Variants in CREBZF observed in about 807,000 individuals in gnomAD.
The protein encoded by CREBZF is HCF-binding transcription factor Zhangfei.
A neutral mutation model predicts 21.1 loss-of-function variants in CREBZF; 8 were observed. The ratio of observed to expected loss-of-function variants is 0.38; its 90% CI spans 0.22 to 0.68. CREBZF has a LOEUF of 0.68. Among genes scored for constraint, CREBZF ranks in the 30% least tolerant of loss-of-function variants. The pLI is 0.51. For synonymous variants in CREBZF, 270 were observed against 223.3 expected (o/e 1.21, Z -1.86); for missense variants, 518 against 484.3 (o/e 1.07, Z -0.65).
rs1381504695 is a variant in CREBZF at position 85,663,251 on chromosome 11, G to A, written c.*560C>T. Reference sequence around the variant, plus strand: ...ACAGTTGGAACCGATGTCATCCAAGGCCATGTCCACACTGGGGACAGAAGA... The same window carrying A: ...ACAGTTGGAACCGATGTCATCCAAGACCATGTCCACACTGGGGACAGAAGA... On this transcript the variant is annotated 3_prime_UTR_variant, in exon 1 of 1. Coordinates refer to ENST00000527447, the MANE Select transcript of CREBZF (RefSeq NM_001039618.4). 1.0e-5 allele frequency: 5 copies of A among 493,052 alleles called. No homozygotes were observed. Among genetic ancestry groups the A allele is most frequent in the African/African-American group, 5.8e-5 (3 of 51,606 alleles). The allele number at this position is 493,052 out of a possible 1,614,324, so 30.5% of individuals were successfully genotyped here.
chr11:85,678,878 C>T (rs2082958048), intron 1 of CREBZF, among the ~76,000 whole-genome samples: 1 of 152,176 alleles, frequency 6.6e-6, no homozygotes, highest in African/African-American at 2.4e-5. Context: ...ACTAATACTT[C>T]AGCTGGTTTG....
upstream of CREBZF, among the ~76,000 whole-genome samples, chr11:85,667,078 G>C (rs2082876217): frequency 6.6e-6 from 1 of 152,106 alleles, no homozygotes; most frequent in Non-Finnish European, 1.5e-5. Flanking sequence ...CACATGATTT[G>C]GCTGGGCGTG....
rs2082770419 is a variant in CREBZF at position 85,664,042 on chromosome 11, A to G, written c.834T>C (p.Ala278=). 2 of 1,613,366 alleles carry G rather than the reference A, an allele frequency of 1.2e-6. No homozygotes were observed. Among genetic ancestry groups the G allele is most frequent in the Non-Finnish European group, 8.5e-7 (1 of 1,180,002 alleles). Residue 278 remains alanine, a synonymous_variant, in exon 1 of 1, where the codon GCT becomes GCC. Coordinates refer to ENST00000527447, the MANE Select transcript of CREBZF (RefSeq NM_001039618.4). This position sits in a 1 kb window ranked among gnomAD's most constrained non-coding sequence, Gnocchi z 5.5. ...CGCCGCTCAGCCGGCTCAGCAAGCG[A>G]GCCAGTCCAGTCTCGTTGGCTAAGA... ...RAVLANETGL[A]RLLSRLSGVG... is the part of the protein sequence containing the mutation.
At position 85,660,289 on chromosome 11, in the gene CREBZF, T is replaced by G. The variant is rs1278163829; in HGVS notation, c.*3522A>C. On this transcript the variant is annotated 3_prime_UTR_variant, in exon 1 of 1. Transcript: ENST00000527447. ...CTGTAATTCTCCAAAGGTTACAATT[T>G]TGTAAAGATATGCAATAACTGAGTA... The G allele has an allele frequency of 1.7e-5, 3 of 179,724 alleles. No homozygotes were observed. The highest frequency in any genetic ancestry group is 3.6e-5 in the Non-Finnish European group (3 of 84,424). 11.1% of individuals were successfully genotyped at this position (179,724 alleles called of 1,614,324 possible).
chr11:85,673,052 G>A (rs1464198093), intron 1 of CREBZF, among the ~76,000 whole-genome samples: 1 of 152,204 alleles, frequency 6.6e-6, no homozygotes, highest in African/African-American at 2.4e-5. Context: ...TGGCTGCAGA[G>A]GAGTCTGGCA....
chr11:85,668,474 G>T (rs531470598), upstream of CREBZF, among the ~76,000 whole-genome samples: 2 of 152,068 alleles, frequency 1.3e-5, no homozygotes, highest in East Asian at 3.9e-4. Flanking sequence ...AAACTTTCTT[G>T]TTTTAATTTT....
At position 85,659,103 on chromosome 11, in the gene CREBZF, A is replaced by T. The variant is rs1471674810; in HGVS notation, c.*4708T>A. Among the ~76,000 whole-genome samples the T allele has an allele frequency of 6.6e-6, 1 of 152,006 alleles. No individual in the cohort carries two copies. The highest frequency in any genetic ancestry group is 1.5e-5 in the Non-Finnish European group (1 of 67,892). On this transcript the variant is annotated 3_prime_UTR_variant, in exon 1 of 1. Coordinates refer to ENST00000527447, the MANE Select transcript of CREBZF (RefSeq NM_001039618.4). ...TCCGCAGCTTAGGTGGTAAGTAAAT[A>T]AAAAAACAGCTCAGAAAAACAGCAA...
chr11:85,677,764 A>T (rs2082951166), intron 1 of CREBZF, among the ~76,000 whole-genome samples: 1 of 152,218 alleles, frequency 6.6e-6, no homozygotes, highest in Non-Finnish European at 1.5e-5. Flanking sequence ...AATGTTTTCA[A>T]GTGGTGACAG....
At position 85,658,648 on chromosome 11, in the gene CREBZF, TAA is replaced by T. The variant is rs113731424; in HGVS notation, c.*5161_*5162del. On this transcript the variant is annotated 3_prime_UTR_variant, in exon 1 of 1. Transcript: ENST00000527447. ...ATTTACTTTGTGTAGTTATTTGGCT[TAA>T]AAAAAAAAAAAGAGGGCTCACATTC... Among the ~76,000 whole-genome samples the T allele has an allele frequency of 1.7e-4, 25 of 143,514 alleles. No individual in the cohort carries two copies. Among genetic ancestry groups the T allele is most frequent in the South Asian group, 1.7e-3 (8 of 4,614 alleles). The allele number at this position is 143,514 out of a possible 152,430, so 94.2% of individuals were successfully genotyped here. A position where few individuals can be genotyped will look rare whatever the true frequency, so the allele number is the denominator to read the frequency against.
chr11:85,673,543 A>G (rs746989868), intron 1 of CREBZF, among the ~76,000 whole-genome samples: 46 of 152,208 alleles, frequency 3.0e-4, no homozygotes, highest in Non-Finnish European at 6.2e-4. Context: ...AGTGAGTCAC[A>G]ATCTTTTTGC....
chr11:85,670,856 C>T (rs756540146), intron 1 of CREBZF, among the ~76,000 whole-genome samples: 2 of 152,152 alleles, frequency 1.3e-5, no homozygotes, highest in Non-Finnish European at 2.9e-5. Context: ...CCTTACTTGG[C>T]AGTAGGATTT....
In CREBZF at chr11:85,682,842, C is replaced by G. The variant is rs1033214642; in HGVS notation, n.22G>C. The G allele has an allele frequency of 1.3e-5, 9 of 702,156 alleles. 1 individual carries two copies. Among genetic ancestry groups the G allele is most frequent in the Admixed American group, 6.0e-5 (3 of 49,980 alleles). 43.5% of individuals were successfully genotyped at this position (702,156 alleles called of 1,614,324 possible). On this transcript the variant is annotated non_coding_transcript_exon_variant, in exon 1 of 4. Coordinates refer to the CREBZF transcript ENST00000531515. ...GGGCCGCAATTTGGGATGGATGAGC[C>G]GAGCTTGGACGTACAGGTTGTGGGA...
rs1009928105 is a variant in CREBZF at position 85,660,508 on chromosome 11, C to A, written c.*3303G>T. The stretch of plus-strand genomic sequence containing the variant: ...TTTTCAGCAGATGCCAAATTTTTGA[C>A]CGACATGGTTCTCACAATTACTTTG... On this transcript the variant is annotated 3_prime_UTR_variant, in exon 1 of 1. Coordinates refer to ENST00000527447, the MANE Select transcript of CREBZF (RefSeq NM_001039618.4). The A allele has an allele frequency of 4.8e-6, 2 of 414,060 alleles. No individual in the cohort carries two copies. The highest frequency in any genetic ancestry group is 9.4e-6 in the Non-Finnish European group (2 of 212,322). The allele number at this position is 414,060 out of a possible 1,614,324, so 25.6% of individuals were successfully genotyped here. A position where few individuals can be genotyped will look rare whatever the true frequency, so the allele number is the denominator to read the frequency against.
At position 85,665,042 on chromosome 11, in the gene CREBZF, CAAGGCGCGGGGAGGGACG is replaced by C. The variant is rs2082833294; in HGVS notation, c.-185_-168del. On this transcript the variant is annotated 5_prime_UTR_variant, in exon 1 of 1. Transcript: ENST00000527447. The stretch of plus-strand genomic sequence containing the variant: ...CACTTGGCTAGTCGACCCCCCGCGC[CAAGGCGCGGGGAGGGACG>C]GGAGAACGAAGCGGTGAGGCCCTGC... 1 of 464,576 alleles carries C rather than the reference CAAGGCGCGGGGAGGGACG, an allele frequency of 2.2e-6. No homozygotes were observed. The highest frequency in any genetic ancestry group is 3.5e-5 in the East Asian group (1 of 28,496). 28.8% of individuals were successfully genotyped at this position (464,576 alleles called of 1,614,324 possible). A position where few individuals can be genotyped will look rare whatever the true frequency, so the allele number is the denominator to read the frequency against.
upstream of CREBZF, among the ~76,000 whole-genome samples, chr11:85,669,432 A>G (rs989251188): frequency 2.1e-5 from 3 of 141,546 alleles, no homozygotes; most frequent in Non-Finnish European, 4.6e-5. Context: ...ACACACACAC[A>G]CACACACTCA....
chr11:85,676,372 A>G (rs1391631327), intron 1 of CREBZF, among the ~76,000 whole-genome samples: 1 of 152,202 alleles, frequency 6.6e-6, no homozygotes, highest in Non-Finnish European at 1.5e-5. Context: ...CCAATTCCAA[A>G]TCATTCCTTC....
rs1299043439 is a variant in CREBZF, at chr11:85,660,756, CAGTA to C, written c.*3051_*3054del. On this transcript the variant is annotated 3_prime_UTR_variant, in exon 1 of 1. Transcript: ENST00000527447. The stretch of plus-strand genomic sequence containing the variant: ...AAGTCTGGTCAAAGAAGTGCAGAAA[CAGTA>C]AGTCAATATGATAGAAATAGTAGGT... 1.5e-5 allele frequency: 5 copies of C among 326,942 alleles called. No homozygotes were observed. The highest frequency in any genetic ancestry group is 9.8e-5 in the South Asian group (4 of 40,814). The allele number at this position is 326,942 out of a possible 1,614,324, so 20.3% of individuals were successfully genotyped here.
chr11:85,677,394 G>A (rs973361980), intron 1 of CREBZF, among the ~76,000 whole-genome samples: 1 of 152,024 alleles, frequency 6.6e-6, no homozygotes, highest in East Asian at 1.9e-4. Flanking sequence ...TGACTTAATC[G>A]GGATCCAAAC....
At chr11:85,672,020 C>T (rs564274075) in intron 1 of CREBZF, among the ~76,000 whole-genome samples, 16 of 152,402 alleles carry the variant, frequency 1.0e-4, no homozygotes, top group African/African-American at 3.8e-4. Context: ...CTGCAGCAAA[C>T]TTATGCCTGG....
Sources: allele counts gnomAD v4.1 joint callset (sites outside exome capture counted in the v4.1 genomes callset), GRCh38; gene constraint gnomAD v4.1.1; non-coding constraint Gnocchi (gnomAD v3.1); transcripts MANE v1.5; gene names NCBI Gene and HGNC (gene_info 2026-07-23, HGNC 2026-07-21).